Variants in NXPE2 observed in about 807,000 individuals in gnomAD.
NXPE2 encodes neurexophilin and PC-esterase domain family member 2, also known as NXPE family member 2.
NXPE2 carries 34 observed loss-of-function variants against 34.4 expected under a neutral mutation model. That is an observed-to-expected ratio of 0.99 (90% CI 0.75 to 1.31). The LOEUF is 1.31. Ranked by LOEUF, NXPE2 falls within the 40% of genes most tolerant of loss-of-function variation. NXPE2 has a pLI of 0.00. For synonymous variants in NXPE2, 235 were observed against 231.3 expected (o/e 1.02, Z -0.15); for missense variants, 649 against 672.5 (o/e 0.97, Z 0.39).
intron 3 of NXPE2, 145 bp downstream of exon 3, chr11:114,698,923 A>C: frequency 2.4e-6 from 2 of 818,398 alleles, no homozygotes; most frequent in Admixed American, 3.0e-5. Flanking sequence ...TTCAGCTTGG[A>C]GTGTGTTCAC....
At chr11:114,807,381 A>G in the NXPE2 span, among the ~76,000 whole-genome samples, 8 of 152,370 alleles carry the variant, frequency 5.3e-5, no homozygotes, top group Middle Eastern at 3.4e-3. Flanking sequence ...GCTGCAATTA[A>G]ATGACACAGA....
the NXPE2 span, among the ~76,000 whole-genome samples, chr11:114,796,528 AT>A: frequency 1.7e-4 from 26 of 152,304 alleles, no homozygotes; most frequent in South Asian, 5.4e-3. Context: ...TCAAAAAAAA[AT>A]CTCTTGCAAC....
the NXPE2 span, among the ~76,000 whole-genome samples, chr11:114,556,548 C>T: frequency 6.6e-6 from 1 of 151,866 alleles, no homozygotes; most frequent in Non-Finnish European, 1.5e-5. Flanking sequence ...AGTTGCTTTG[C>T]ACAGTACACA....
chr11:114,494,605 C>T, the NXPE2 span, among the ~76,000 whole-genome samples: 1 of 152,096 alleles, frequency 6.6e-6, no homozygotes, highest in Non-Finnish European at 1.5e-5. Flanking sequence ...TGACTTTCTT[C>T]TCTGTTATCC....
At chr11:114,622,166 GATA>G in the NXPE2 span, among the ~76,000 whole-genome samples, 3 of 151,950 alleles carry the variant, frequency 2.0e-5, no homozygotes, top group East Asian at 5.8e-4. Flanking sequence ...TTACCCAGTG[GATA>G]ATAAGTATTG....
chr11:114,638,403 G>A, the NXPE2 span, among the ~76,000 whole-genome samples: 3 of 151,648 alleles, frequency 2.0e-5, no homozygotes, highest in African/African-American at 4.8e-5. Flanking sequence ...CTTTGCCTTC[G>A]GTTTGAATTT....
the NXPE2 span, among the ~76,000 whole-genome samples, chr11:114,730,916 CT>C: frequency 6.6e-6 from 1 of 152,172 alleles, no homozygotes; most frequent in Non-Finnish European, 1.5e-5. Context: ...CTGGCTAGGA[CT>C]TCCAGTATCA....
chr11:114,469,911 A>G, the NXPE2 span, among the ~76,000 whole-genome samples: 1 of 152,090 alleles, frequency 6.6e-6, no homozygotes, highest in African/African-American at 2.4e-5. Flanking sequence ...ATGAGTTTGC[A>G]TCTTCTAGAG....
At chr11:114,682,841 T>A (rs991499655) in intron 2 of NXPE2, among the ~76,000 whole-genome samples, 2 of 140,822 alleles carry the variant, frequency 1.4e-5, no homozygotes. Flanking sequence ...AAACAGAACC[T>A]GAGGAGGAAA....
chr11:114,648,232 G>A, the NXPE2 span, among the ~76,000 whole-genome samples: 2 of 152,052 alleles, frequency 1.3e-5, no homozygotes, highest in Admixed American at 6.6e-5. Flanking sequence ...TAAGATGGGG[G>A]CTACTCACCA....
At chr11:114,491,391 C>T in the NXPE2 span, among the ~76,000 whole-genome samples, 333 of 151,942 alleles carry the variant, frequency 2.2e-3, 1 homozygote, top group African/African-American at 6.3e-3. Context: ...TTTATGCAGC[C>T]AAAAACACAT....
the NXPE2 span, among the ~76,000 whole-genome samples, chr11:114,519,997 G>A: frequency 1.7e-5 from 2 of 117,336 alleles, no homozygotes; most frequent in Non-Finnish European, 3.3e-5. Flanking sequence ...TGTATTTTTA[G>A]TAAAGACGGG....
the NXPE2 span, among the ~76,000 whole-genome samples, chr11:114,602,042 ATATAT>A: frequency 1.8e-3 from 163 of 91,470 alleles, no homozygotes; most frequent in African/African-American, 5.1e-3. Flanking sequence ...ACTATATAAT[ATATAT>A]TATATTATAT....
chr11:114,542,089 G>T, the NXPE2 span, among the ~76,000 whole-genome samples: 1 of 152,044 alleles, frequency 6.6e-6, no homozygotes, highest in Non-Finnish European at 1.5e-5. Flanking sequence ...TTTTGCTAGG[G>T]TCATTCACAT....
chr11:114,626,360 C>T, the NXPE2 span, among the ~76,000 whole-genome samples: 10 of 152,186 alleles, frequency 6.6e-5, no homozygotes, highest in African/African-American at 2.4e-4. Context: ...TCAAGTGGGT[C>T]CCTGACCCCT....
chr11:114,689,892 A>G (rs995168441), intron 2 of NXPE2, among the ~76,000 whole-genome samples: 2 of 152,022 alleles, frequency 1.3e-5, no homozygotes, highest in African/African-American at 2.4e-5. Context: ...AGTCTATTTT[A>G]TCTGATACAA....
upstream of NXPE2, chr11:114,678,484 C>T (rs1950883374): frequency 1.0e-6 from 1 of 1,001,572 alleles, no homozygotes; most frequent in South Asian, 1.5e-5. Context: ...CAATGAAGCT[C>T]ATAGGGAAAC....
the NXPE2 span, among the ~76,000 whole-genome samples, chr11:114,641,188 A>T: frequency 6.6e-6 from 1 of 152,020 alleles, no homozygotes; most frequent in African/African-American, 2.4e-5. Context: ...TCTCCCAGAA[A>T]TAATCAAGAA....
At chr11:114,758,261 A>G in the NXPE2 span, among the ~76,000 whole-genome samples, 2 of 152,200 alleles carry the variant, frequency 1.3e-5, no homozygotes, top group African/African-American at 4.8e-5. Flanking sequence ...TCTAGATAGC[A>G]TGGAAAGGAG....
Sources: gnomAD v4.1 joint callset for allele counts (sites outside exome capture counted in the v4.1 genomes callset) on GRCh38, gnomAD v4.1.1 for gene constraint, MANE v1.5 for transcripts, NCBI Gene and HGNC (gene_info 2026-07-23, HGNC 2026-07-21) for gene names.